VEPH1: variants seen among roughly 807,000 people sequenced by gnomAD.
The protein encoded by VEPH1 is ventricular zone-expressed PH domain-containing protein homolog 1.
VEPH1 carries 80 observed loss-of-function variants against 85.2 expected under a neutral mutation model. That is an observed-to-expected ratio of 0.94 (90% CI 0.78 to 1.13). The LOEUF is 1.13. VEPH1 is among the 50% of genes most tolerant of loss of function. VEPH1 has a pLI of 0.00. For missense variants in VEPH1, 955 were observed against 980.5 expected, an observed-to-expected ratio of 0.97 and a Z score of 0.35; for synonymous variants, 297 against 348.0, an observed-to-expected ratio of 0.85 and a Z score of 1.63.
intron 11 of VEPH1, among the ~76,000 whole-genome samples, chr3:157,306,033 C>T (rs1434674328): frequency 6.6e-6 from 1 of 151,984 alleles, no homozygotes; most frequent in Non-Finnish European, 1.5e-5. Context: ...TCAAACCTAC[C>T]AATTCTTTAC....
intron 11 of VEPH1, among the ~76,000 whole-genome samples, chr3:157,289,043 C>G (rs1717145091): frequency 6.6e-6 from 1 of 152,096 alleles, no homozygotes; most frequent in South Asian, 2.1e-4. Flanking sequence ...ACTGAAGAAG[C>G]ACCTGGGAAT....
rs58708932 is a variant in VEPH1 at position 157,304,038 on chromosome 3, T to TACACAC, written c.2010+9577_2010+9582dup. ...CTTATATTTTTTATATATATATATATACACACATACTGTTACATCTTATAT... is the reference window on the plus strand; with the variant it reads ...CTTATATTTTTTATATATATATATATACACACACACACATACTGTTACATCTTATAT... On this transcript the variant is annotated intron_variant, in intron 11 of 13. Coordinates refer to ENST00000362010, the MANE Select transcript of VEPH1 (RefSeq NM_001167912.2). Among the ~76,000 whole-genome samples, 26 of 96,914 alleles carry TACACAC rather than the reference T, an allele frequency of 2.7e-4. 4 individuals carry two copies. The highest frequency in any genetic ancestry group is 1.1e-3 in the Admixed American group (8 of 6,972). The allele number at this position is 96,914 out of a possible 152,430, so 63.6% of individuals were successfully genotyped here. A position where few individuals can be genotyped will look rare whatever the true frequency, so the allele number is the denominator to read the frequency against.
At position 157,485,885 on chromosome 3, in the gene VEPH1, T is replaced by C. The variant is rs145017063; in HGVS notation, c.138+9327A>G. Among the ~76,000 whole-genome samples, 1,117 of 152,190 alleles carry C rather than the reference T, an allele frequency of 7.3e-3. 17 individuals carry two copies. Among genetic ancestry groups the C allele is most frequent in the African/African-American group, 0.026 (1,070 of 41,564 alleles). ...ATTAGGAATAAAAATGCTCAGTATA[T>C]ACTAATGAAAAGAAAAGTTCTCCAA... On this transcript the variant is annotated intron_variant, in intron 2 of 13. Coordinates refer to ENST00000362010, the MANE Select transcript of VEPH1 (RefSeq NM_001167912.2).
chr3:157,445,514 G>A (rs150411783), intron 4 of VEPH1, among the ~76,000 whole-genome samples: 2,214 of 152,222 alleles, frequency 0.015, 52 homozygotes, highest in African/African-American at 0.05. Flanking sequence ...CCAGCTACTC[G>A]GGAGGCTGAG....
intron 12 of VEPH1, among the ~76,000 whole-genome samples, chr3:157,284,772 C>T (rs79012912): frequency 0.037 from 5,642 of 152,000 alleles, 151 homozygotes; most frequent in South Asian, 0.11. Context: ...CTGAAGTTTT[C>T]AGGGCCAAAC....
chr3:157,294,788 C>G (rs1489756983), intron 11 of VEPH1, among the ~76,000 whole-genome samples: 1 of 151,958 alleles, frequency 6.6e-6, no homozygotes, highest in African/African-American at 2.4e-5. Flanking sequence ...GGGACCTGGG[C>G]TAAAAAAACA....
intron 4 of VEPH1, among the ~76,000 whole-genome samples, chr3:157,429,646 G>C (rs1332388786): frequency 6.6e-6 from 1 of 152,234 alleles, no homozygotes; most frequent in South Asian, 2.1e-4. Flanking sequence ...TCTTTTAAAA[G>C]GTTGTGTTCG....
At chr3:157,493,283 G>C (rs1472651073) in intron 2 of VEPH1, 1 of 456,232 alleles carries the variant, frequency 2.2e-6, no homozygotes, top group Non-Finnish European at 4.4e-6. Context: ...ATCCCTTCCT[G>C]TTCTACGTTT....
intron 2 of VEPH1, among the ~76,000 whole-genome samples, chr3:157,483,232 AC>A (rs1386125469): frequency 6.6e-6 from 1 of 152,086 alleles, no homozygotes; most frequent in Non-Finnish European, 1.5e-5. Flanking sequence ...ACCACCACTA[AC>A]AACAAGTGAG....
intron 11 of VEPH1, among the ~76,000 whole-genome samples, chr3:157,310,926 GA>G (rs1720038598): frequency 6.6e-6 from 1 of 152,166 alleles, no homozygotes. Flanking sequence ...GGAAGTACCG[GA>G]TTCATTTGTG....
At chr3:157,372,715 T>C (rs1201400396) in intron 7 of VEPH1, among the ~76,000 whole-genome samples, 1 of 150,000 alleles carries the variant, frequency 6.7e-6, no homozygotes, top group Non-Finnish European at 1.5e-5. Flanking sequence ...AAAGAACTAT[T>C]TTTTTTTTAA....
chr3:157,427,369 C>T (rs929102811), intron 5 of VEPH1, among the ~76,000 whole-genome samples: 3 of 152,312 alleles, frequency 2.0e-5, no homozygotes, highest in African/African-American at 7.2e-5. Context: ...CCACCAGCCT[C>T]GACCTCCCAA....
chr3:157,369,943 G>A (rs935107411), intron 7 of VEPH1, among the ~76,000 whole-genome samples: 25 of 152,074 alleles, frequency 1.6e-4, no homozygotes, highest in Admixed American at 2.0e-4. Context: ...CCAGTGGATT[G>A]GGCTCACTTA....
chr3:157,447,468 C>T (rs978904700), intron 4 of VEPH1, among the ~76,000 whole-genome samples: 6 of 152,070 alleles, frequency 3.9e-5, no homozygotes, highest in Admixed American at 3.3e-4. Context: ...TCTTTCCCAA[C>T]AACTTGTTTT....
At chr3:157,455,462 G>A (rs1227279879) in intron 4 of VEPH1, among the ~76,000 whole-genome samples, 2 of 151,408 alleles carry the variant, frequency 1.3e-5, no homozygotes, top group Non-Finnish European at 2.9e-5. Flanking sequence ...TACATAGGCA[G>A]TTTTTTTATA....
intron 11 of VEPH1, among the ~76,000 whole-genome samples, chr3:157,304,038 T>TATATATATATACAC: frequency 1.0e-5 from 1 of 96,896 alleles, no homozygotes; most frequent in African/African-American, 3.1e-5. Context: ...TATATATATA[T>TATATATATATACAC]ACACACATAC....
In VEPH1 at chr3:157,279,592, A is replaced by G. The variant is rs554726716; in HGVS notation, c.2128+6965T>C. 2.5e-4 allele frequency among the ~76,000 whole-genome samples: 38 copies of G among 152,240 alleles called. No homozygotes were observed. In the South Asian group the frequency reaches 7.7e-3, roughly 31 times the overall value. On this transcript the variant is annotated intron_variant, in intron 12 of 13. Transcript: ENST00000362010. ...AATGGGAGGACTCAGTTGGAAGGGGAATATTGAATAGAGAAGAGAAAAAGG... is the reference window on the plus strand; with the variant it reads ...AATGGGAGGACTCAGTTGGAAGGGGGATATTGAATAGAGAAGAGAAAAAGG...
At chr3:157,484,926 A>T (rs888602060) in intron 2 of VEPH1, among the ~76,000 whole-genome samples, 1 of 152,172 alleles carries the variant, frequency 6.6e-6, no homozygotes, top group Admixed American at 6.6e-5. Context: ...AATTTCTTTC[A>T]TCTATGCTAA....
At chr3:157,500,191 G>A (rs1227805438) in intron 1 of VEPH1, among the ~76,000 whole-genome samples, 3 of 152,124 alleles carry the variant, frequency 2.0e-5, no homozygotes, top group Non-Finnish European at 4.4e-5. Context: ...CTGACACTCC[G>A]ATGGAGAAAA....
Sources: allele counts gnomAD v4.1 joint callset (sites outside exome capture counted in the v4.1 genomes callset), GRCh38; gene constraint gnomAD v4.1.1; transcripts MANE v1.5; gene names NCBI Gene and HGNC (gene_info 2026-07-23, HGNC 2026-07-21).